UVRAG: variants seen among roughly 807,000 people sequenced by gnomAD.
The protein encoded by UVRAG is UV radiation resistance associated.
Under a neutral mutation model 78.0 loss-of-function variants are expected in UVRAG, and 19 were observed. That is an observed-to-expected ratio of 0.24 (90% CI 0.17 to 0.36). The LOEUF is 0.36. Ranked by LOEUF, UVRAG falls within the 10% of genes least tolerant of loss-of-function variation. The pLI is 1.00. For synonymous variants in UVRAG, 323 were observed against 324.6 expected, an observed-to-expected ratio of 1.00 and a Z score of 0.05; for missense variants, 740 against 853.8, an observed-to-expected ratio of 0.87 and a Z score of 1.66.
intron 1 of UVRAG, among the ~76,000 whole-genome samples, chr11:75,828,996 CAGGTGTG>C (rs1945597041): frequency 6.6e-6 from 1 of 151,744 alleles, no homozygotes; most frequent in African/African-American, 2.4e-5. Context: ...GTTGGGGTTA[CAGGTGTG>C]AGCCACTATG....
chr11:76,044,833 A>C (rs1325311718), intron 12 of UVRAG, among the ~76,000 whole-genome samples: 1 of 152,200 alleles, frequency 6.6e-6, no homozygotes, highest in Non-Finnish European at 1.5e-5. Context: ...GGAACAGGAG[A>C]GGCAACCTCC....
chr11:76,130,920 GT>G (rs1952501291), intron 14 of UVRAG, among the ~76,000 whole-genome samples: 2 of 149,962 alleles, frequency 1.3e-5, no homozygotes, highest in Admixed American at 6.6e-5. Context: ...AAAGGCAGAG[GT>G]TTTGGGTTTT....
intron 6 of UVRAG, among the ~76,000 whole-genome samples, chr11:75,931,332 C>G (rs79856500): frequency 0.063 from 9,619 of 152,100 alleles, 413 homozygotes; most frequent in African/African-American, 0.12. Context: ...AGTCATACAA[C>G]TATGCACACA....
intron 6 of UVRAG, among the ~76,000 whole-genome samples, chr11:75,927,467 G>A (rs1948135866): frequency 1.3e-5 from 2 of 152,130 alleles, no homozygotes; most frequent in Admixed American, 1.3e-4. Flanking sequence ...TTATGTTCTA[G>A]GCTCTTGTTA....
intron 12 of UVRAG, among the ~76,000 whole-genome samples, chr11:76,055,311 G>A (rs1208970712): frequency 6.6e-6 from 1 of 152,204 alleles, no homozygotes; most frequent in East Asian, 1.9e-4. Flanking sequence ...GTCCCCCAAA[G>A]TGCTGAGATT....
chr11:75,919,642 G>GA (rs1192530823), intron 6 of UVRAG, among the ~76,000 whole-genome samples: 1 of 152,122 alleles, frequency 6.6e-6, no homozygotes, highest in Admixed American at 6.5e-5. Context: ...GCCAACTAAA[G>GA]AAAAAAACAT....
intron 6 of UVRAG, among the ~76,000 whole-genome samples, chr11:75,950,247 T>G (rs1005207943): frequency 1.3e-5 from 2 of 152,118 alleles, no homozygotes; most frequent in Non-Finnish European, 2.9e-5. Flanking sequence ...TCATGTGCTT[T>G]CTCCTATTTA....
At chr11:75,938,421 G>T (rs1295044110) in intron 6 of UVRAG, among the ~76,000 whole-genome samples, 1 of 152,036 alleles carries the variant, frequency 6.6e-6, no homozygotes, top group East Asian at 1.9e-4. Context: ...TGGATGTCAG[G>T]CATTGTCAAT....
chr11:75,937,826 TC>T (rs1948403141), intron 6 of UVRAG, among the ~76,000 whole-genome samples: 1 of 152,212 alleles, frequency 6.6e-6, no homozygotes, highest in African/African-American at 2.4e-5. Flanking sequence ...TATTATTTTT[TC>T]TGTCTCCTCC....
intron 14 of UVRAG, among the ~76,000 whole-genome samples, chr11:76,118,326 G>A (rs1952221717): frequency 6.6e-6 from 1 of 152,070 alleles, no homozygotes; most frequent in Non-Finnish European, 1.5e-5. Context: ...GATTTTTTGT[G>A]TATACAATCA....
At position 76,141,131 on chromosome 11, in the gene UVRAG, C is replaced by G; in HGVS notation, c.1818C>G (p.Ala606=). The change falls in exon 15 of 15, where the codon GCC becomes GCG. Residue 606 remains alanine, a synonymous_variant. Coordinates refer to ENST00000356136, the MANE Select transcript of UVRAG (RefSeq NM_003369.4). ...VNGTLLPSEQ[A]GSASVQLPGE... ...GCACTCTCCTACCCAGCGAGCAGGC[C>G]GGGTCCGCCAGTGTCCAGCTTCCAG... The G allele has an allele frequency of 6.2e-7, 1 of 1,614,150 alleles. No individual in the cohort carries two copies. The highest frequency in any genetic ancestry group is 1.1e-5 in the South Asian group (1 of 91,082).
At chr11:75,997,373 T>C (rs1398989812) in intron 8 of UVRAG, among the ~76,000 whole-genome samples, 1 of 152,254 alleles carries the variant, frequency 6.6e-6, no homozygotes, top group African/African-American at 2.4e-5. Flanking sequence ...TCTTTAGCTA[T>C]TATATTTATA....
At chr11:76,133,703 G>C (rs183090598) in intron 14 of UVRAG, among the ~76,000 whole-genome samples, 7 of 152,178 alleles carry the variant, frequency 4.6e-5, no homozygotes, top group African/African-American at 1.7e-4. Context: ...GATGCATCAG[G>C]GGTTTGGGGA....
At chr11:75,961,363 C>A (rs1948907223) in intron 6 of UVRAG, 81 bp from the exon 7 acceptor site, 1 of 1,024,778 alleles carries the variant, frequency 9.8e-7, no homozygotes, top group Non-Finnish European at 1.4e-6. Flanking sequence ...ATGTATCCTC[C>A]AGGTTTGTCA....
intron 2 of UVRAG, among the ~76,000 whole-genome samples, chr11:75,854,448 G>T (rs1187292508): frequency 6.6e-6 from 1 of 151,916 alleles, no homozygotes. Context: ...TGGAGTCTCA[G>T]TCTGTTTGCC....
At chr11:76,017,808 C>G (rs1361946233) in intron 12 of UVRAG, among the ~76,000 whole-genome samples, 2 of 152,032 alleles carry the variant, frequency 1.3e-5, no homozygotes, top group African/African-American at 4.8e-5. Context: ...TTCAAAAGTA[C>G]AGGCAAAATA....
chr11:75,857,028 C>G (rs1360872834), intron 2 of UVRAG, among the ~76,000 whole-genome samples: 1 of 152,148 alleles, frequency 6.6e-6, no homozygotes, highest in Non-Finnish European at 1.5e-5. Context: ...ACTTTTGGCT[C>G]TTACTATCAA....
At chr11:76,109,861 G>A (rs1199573310) in intron 13 of UVRAG, among the ~76,000 whole-genome samples, 11 of 152,100 alleles carry the variant, frequency 7.2e-5, no homozygotes, top group African/African-American at 1.2e-4. Flanking sequence ...AGGAGTTTGC[G>A]TGACCATACA....
At chr11:76,100,334 C>G (rs1322105407) in intron 13 of UVRAG, among the ~76,000 whole-genome samples, 2 of 152,054 alleles carry the variant, frequency 1.3e-5, no homozygotes, top group African/African-American at 4.8e-5. Context: ...AACTAAAAAC[C>G]TCTATACTAT....
Sources: gnomAD v4.1 joint callset for allele counts (sites outside exome capture counted in the v4.1 genomes callset) on GRCh38, gnomAD v4.1.1 for gene constraint, MANE v1.5 for transcripts, NCBI Gene and HGNC (gene_info 2026-07-23, HGNC 2026-07-21) for gene names.